NFIA: variants seen among roughly 807,000 people sequenced by gnomAD.
NFIA encodes the protein nuclear factor 1 A-type.
In NFIA, 8 loss-of-function variants were observed where a neutral mutation model predicts 62.8. The ratio of observed to expected loss-of-function variants is 0.13; its 90% confidence interval spans 0.07 to 0.23. NFIA has a LOEUF of 0.23. Ranked by LOEUF, NFIA falls within the 10% of genes least tolerant of loss-of-function variation. NFIA has a pLI of 1.00. For synonymous variants in NFIA, 235 were observed against 238.1 expected (o/e 0.99, Z 0.12); for missense variants, 410 against 642.1 (o/e 0.64, Z 3.91).
Position 61,406,556 on chromosome 1 carries a change from C to CTT in NFIA, c.1255-6_1255-5insTT, listed in dbSNP as rs764183696. ...CGTGTGTTTTCTGCCCCCCCCCCCCCCACAGCCCAATGGGAGCAGCCAAGG... is the reference window on the plus strand; with the variant it reads ...CGTGTGTTTTCTGCCCCCCCCCCCCCTTCACAGCCCAATGGGAGCAGCCAAGG... On this transcript the variant is annotated splice_polypyrimidine_tract_variant and splice_region_variant and intron_variant, in intron 8 of 10. Transcript: ENST00000403491. 2 of 1,254,154 alleles carry CTT rather than the reference C, an allele frequency of 1.6e-6. No homozygotes were observed. Among genetic ancestry groups the CTT allele is most frequent in the Admixed American group, 2.4e-5 (1 of 41,494 alleles). The allele number at this position is 1,254,154 out of a possible 1,614,324, so 77.7% of individuals were successfully genotyped here.
chr1:61,372,513 T>C (rs775671747), intron 6 of NFIA, among the ~76,000 whole-genome samples: 1 of 151,938 alleles, frequency 6.6e-6, no homozygotes, highest in Non-Finnish European at 1.5e-5. Flanking sequence ...CTGTTGAATG[T>C]AGCATTAATC....
chr1:61,165,779 C>G (rs1649528166), intron 2 of NFIA, among the ~76,000 whole-genome samples: 1 of 152,156 alleles, frequency 6.6e-6, no homozygotes, highest in Admixed American at 6.5e-5. Context: ...AAGGGTTACT[C>G]CTCAATATTA....
chr1:61,105,827 A>G (rs923516626), intron 2 of NFIA, among the ~76,000 whole-genome samples: 2 of 151,884 alleles, frequency 1.3e-5, no homozygotes, highest in African/African-American at 4.8e-5. Context: ...ATACTTTTTA[A>G]AAAAAGAATT....
At chr1:61,239,368 TAAA>T (rs1655199105) in intron 2 of NFIA, among the ~76,000 whole-genome samples, 1 of 152,208 alleles carries the variant, frequency 6.6e-6, no homozygotes, top group Admixed American at 6.5e-5. Context: ...TGATGTCTGT[TAAA>T]AAGTGTTTAT....
intron 2 of NFIA, among the ~76,000 whole-genome samples, chr1:61,113,891 A>G (rs766461958): frequency 2.0e-5 from 3 of 152,160 alleles, no homozygotes; most frequent in Admixed American, 6.5e-5. Flanking sequence ...TTGAATGCCA[A>G]TTTAAAGATC....
intron 3 of NFIA, among the ~76,000 whole-genome samples, chr1:61,286,479 A>C (rs1006222044): frequency 6.6e-6 from 1 of 151,516 alleles, no homozygotes; most frequent in Admixed American, 6.6e-5. Flanking sequence ...TAGGTATTGG[A>C]TGTGTTAAGG....
At chr1:61,358,379 C>CTTTTTTTTTTTTT (rs34853369) in intron 5 of NFIA, among the ~76,000 whole-genome samples, 115 of 52,614 alleles carry the variant, frequency 2.2e-3, no homozygotes, top group Non-Finnish European at 2.8e-3. Flanking sequence ...TTCTTTCTTT[C>CTTTTTTTTTTTTT]TTTTTTTTTT....
chr1:61,088,829 A>G lies in NFIA; in HGVS notation c.559+149A>G, dbSNP rs1646266108. ...GGTTTCAAAGATTGAGAGAGGTGCC[A>G]CCTTCATTCAGGTGAAAAAGCATAG... On this transcript the variant is annotated intron_variant, in intron 2 of 10. Coordinates refer to ENST00000403491, the MANE Select transcript of NFIA (RefSeq NM_001134673.4). This position sits in a 1 kb window ranked among gnomAD's most constrained non-coding sequence, Gnocchi z 4.5. 2.3e-6 allele frequency: 2 copies of G among 874,658 alleles called. No homozygotes were observed. Among genetic ancestry groups the G allele is most frequent in the Middle Eastern group, 3.6e-4 (1 of 2,798 alleles). 54.2% of individuals were successfully genotyped at this position (874,658 alleles called of 1,614,324 possible).
chr1:61,367,344 A>G (rs956245031), intron 6 of NFIA, among the ~76,000 whole-genome samples: 15 of 152,222 alleles, frequency 9.9e-5, no homozygotes, highest in Admixed American at 2.0e-4. Context: ...ACTCCACTGC[A>G]CTAGCATATA....
intron 3 of NFIA, among the ~76,000 whole-genome samples, chr1:61,304,422 T>A (rs1367296584): frequency 6.6e-6 from 1 of 152,212 alleles, no homozygotes; most frequent in African/African-American, 2.4e-5. Flanking sequence ...TGGTTAAATC[T>A]TCAGTTTAAT....
In NFIA at chr1:61,461,462, G is replaced by A. The variant is rs971013524; in HGVS notation, c.*6142G>A. 2 of 152,046 alleles carry A rather than the reference G, an allele frequency of 1.3e-5. No individual in the cohort carries two copies. Among genetic ancestry groups the A allele is most frequent in the Non-Finnish European group, 2.9e-5 (2 of 68,008 alleles). The allele number at this position is 152,046 out of a possible 1,614,324, so 9.4% of individuals were successfully genotyped here. On this transcript the variant is annotated 3_prime_UTR_variant, in exon 11 of 11. Transcript: ENST00000403491. ...TTTTGGTCTAAATTTGAAATTACTT[G>A]CTTCCCAAATTAAATAAATTTCATC...
chr1:61,171,159 T>C (rs902528588), intron 2 of NFIA, among the ~76,000 whole-genome samples: 20 of 152,240 alleles, frequency 1.3e-4, no homozygotes, highest in African/African-American at 4.6e-4. Flanking sequence ...CCCAATCTTT[T>C]ATCAAATGGT....
intron 9 of NFIA, among the ~76,000 whole-genome samples, chr1:61,411,473 TTAAC>T (rs1666099824): frequency 6.6e-6 from 1 of 152,108 alleles, no homozygotes; most frequent in Non-Finnish European, 1.5e-5. Flanking sequence ...TTCCCACAGA[TTAAC>T]TACCTGTGTG....
intron 2 of NFIA, among the ~76,000 whole-genome samples, chr1:61,243,806 C>A (rs1655487269): frequency 6.6e-6 from 1 of 152,158 alleles, no homozygotes. Flanking sequence ...CATCACCATT[C>A]TTGCTTATAT....
chr1:61,262,080 T>G (rs1656801608), intron 2 of NFIA, among the ~76,000 whole-genome samples: 1 of 152,230 alleles, frequency 6.6e-6, no homozygotes, highest in Admixed American at 6.5e-5. Context: ...GAATTTCTTC[T>G]CTAAGAGTCT....
intron 2 of NFIA, among the ~76,000 whole-genome samples, chr1:61,218,671 G>A (rs1043163179): frequency 6.6e-6 from 1 of 152,124 alleles, no homozygotes; most frequent in African/African-American, 2.4e-5. Context: ...AAATAATGCT[G>A]TATCACAAGC....
intron 2 of NFIA, among the ~76,000 whole-genome samples, chr1:61,108,002 T>C (rs949829638): frequency 6.6e-6 from 1 of 151,762 alleles, no homozygotes; most frequent in Non-Finnish European, 1.5e-5. Context: ...TCTGTTACAC[T>C]GATCAACTTG....
chr1:61,376,103 T>G (rs991899724), intron 6 of NFIA, among the ~76,000 whole-genome samples: 2 of 152,130 alleles, frequency 1.3e-5, no homozygotes, highest in Non-Finnish European at 1.5e-5. Flanking sequence ...AGATATACTC[T>G]CCAATGAGTT....
intron 7 of NFIA, among the ~76,000 whole-genome samples, chr1:61,387,542 C>A (rs1024632588): frequency 6.7e-6 from 1 of 150,352 alleles, no homozygotes; most frequent in Non-Finnish European, 1.5e-5. Flanking sequence ...TCCTCTCCTC[C>A]ACCCAGCTTG....
Sources: allele counts gnomAD v4.1 joint callset (sites outside exome capture counted in the v4.1 genomes callset), GRCh38; gene constraint gnomAD v4.1.1; non-coding constraint Gnocchi (gnomAD v3.1); transcripts MANE v1.5; gene names NCBI Gene and HGNC (gene_info 2026-07-23, HGNC 2026-07-21).